TBC1D5: variants seen among roughly 807,000 people sequenced by gnomAD.
TBC1D5 encodes the protein TBC1 domain family, member 5.
Under a neutral mutation model 100.3 loss-of-function variants are expected in TBC1D5, and 75 were observed. The ratio of observed to expected loss-of-function variants is 0.75; its 90% CI spans 0.62 to 0.91. The LOEUF is 0.91. TBC1D5 is among the 40% of genes least tolerant of loss of function. The pLI is 0.00. For synonymous variants in TBC1D5, 323 were observed against 325.6 expected (o/e 0.99, Z 0.09); for missense variants, 910 against 942.4 (o/e 0.97, Z 0.45).
intron 14 of TBC1D5, among the ~76,000 whole-genome samples, chr3:17,292,219 G>C (rs1379457657): frequency 1.3e-5 from 2 of 152,268 alleles, no homozygotes; most frequent in East Asian, 3.9e-4. Flanking sequence ...CTTAACCTCA[G>C]GGGGTGCTGG....
chr3:17,714,894 T>C (rs1036303192), intron 1 of TBC1D5, among the ~76,000 whole-genome samples: 4 of 152,116 alleles, frequency 2.6e-5, no homozygotes, highest in Non-Finnish European at 5.9e-5. Context: ...CCCCATTACA[T>C]TACAGGATCC....
intron 2 of TBC1D5, among the ~76,000 whole-genome samples, chr3:17,566,179 A>C (rs2096592367): frequency 6.6e-6 from 1 of 152,044 alleles, no homozygotes; most frequent in Non-Finnish European, 1.5e-5. Flanking sequence ...TTATGTGAGC[A>C]TTTTGTACAC....
chr3:17,355,695 T>C (rs2091150668), intron 13 of TBC1D5, among the ~76,000 whole-genome samples: 1 of 152,072 alleles, frequency 6.6e-6, no homozygotes, highest in Non-Finnish European at 1.5e-5. Context: ...ATCATTCACA[T>C]CCCATGGTAG....
intron 2 of TBC1D5, among the ~76,000 whole-genome samples, chr3:17,581,270 A>G (rs925333102): frequency 1.3e-5 from 2 of 152,126 alleles, no homozygotes; most frequent in African/African-American, 2.4e-5. Context: ...TTTCTTTATA[A>G]ATTACCTAGT....
At chr3:17,389,500 C>T (rs542042656) in intron 8 of TBC1D5, among the ~76,000 whole-genome samples, 1 of 152,176 alleles carries the variant, frequency 6.6e-6, no homozygotes, top group East Asian at 1.9e-4. Flanking sequence ...AACCAGACCA[C>T]CATGCTGTAA....
intron 1 of TBC1D5, among the ~76,000 whole-genome samples, chr3:17,690,630 T>C (rs2071006592): frequency 6.6e-6 from 1 of 152,230 alleles, no homozygotes; most frequent in South Asian, 2.1e-4. Context: ...CCACCTGAGC[T>C]CTGCCTCCTG....
intron 2 of TBC1D5, among the ~76,000 whole-genome samples, chr3:17,532,878 C>G (rs952562218): frequency 1.3e-5 from 2 of 151,514 alleles, no homozygotes; most frequent in Admixed American, 1.3e-4. Context: ...GGAGATATAG[C>G]GAATACTAAA....
rs377395054 is a variant in TBC1D5, at chr3:17,191,887, G to A, written c.1753-6679C>T. Among the ~76,000 whole-genome samples the A allele has an allele frequency of 1.1e-3, 167 of 152,162 alleles. 4 individuals are homozygous for A. The South Asian group carries it at 0.032, about 30-fold the overall frequency. On this transcript the variant is annotated intron_variant, in intron 18 of 21. Coordinates refer to ENST00000253692, the Ensembl canonical transcript of TBC1D5. ...GATCCGCCTGCTTCAGCCTCTCAAA[G>A]TGCTGGGATTATAGGCATGAGTCAT...
intron 2 of TBC1D5, among the ~76,000 whole-genome samples, chr3:17,531,778 C>A (rs542115639): frequency 0.029 from 4,476 of 152,124 alleles, 206 homozygotes; most frequent in African/African-American, 0.1. Context: ...AACTGGCTAG[C>A]CGTATGTAGA....
intron 13 of TBC1D5, among the ~76,000 whole-genome samples, chr3:17,334,129 T>C (rs1220297418): frequency 6.6e-6 from 1 of 151,946 alleles, no homozygotes; most frequent in Non-Finnish European, 1.5e-5. Flanking sequence ...ATGCTTAAAA[T>C]GAAGGCTCTT....
chr3:17,673,209 G>C (rs911492192), intron 1 of TBC1D5, among the ~76,000 whole-genome samples: 9 of 152,090 alleles, frequency 5.9e-5, no homozygotes, highest in African/African-American at 2.2e-4. Context: ...AGTTATCTCT[G>C]GGAAGGGAAA....
At chr3:17,462,941 G>A (rs1174667193) in intron 3 of TBC1D5, among the ~76,000 whole-genome samples, 1 of 152,058 alleles carries the variant, frequency 6.6e-6, no homozygotes, top group African/African-American at 2.4e-5. Context: ...GTGAATAGTT[G>A]GGGTAAGGGG....
chr3:17,596,150 G>A (rs1014640977), intron 2 of TBC1D5, among the ~76,000 whole-genome samples: 36 of 152,110 alleles, frequency 2.4e-4, no homozygotes, highest in Admixed American at 7.2e-4. Context: ...AGAAAAGTCA[G>A]AGGCCAATAG....
At chr3:17,591,269 AAAAC>A (rs2096769819) in intron 2 of TBC1D5, among the ~76,000 whole-genome samples, 2 of 139,436 alleles carry the variant, frequency 1.4e-5, no homozygotes, top group Admixed American at 1.4e-4. Flanking sequence ...AAAAAAAACA[AAAAC>A]CCCAGAGAAT....
At chr3:17,736,441 T>C (rs1048565402) in intron 1 of TBC1D5, among the ~76,000 whole-genome samples, 2 of 152,138 alleles carry the variant, frequency 1.3e-5, no homozygotes, top group Admixed American at 6.6e-5. Flanking sequence ...TTTATAAAAA[T>C]GAGCACTCTT....
intron 8 of TBC1D5, among the ~76,000 whole-genome samples, chr3:17,402,666 T>C (rs17043562): frequency 0.022 from 3,409 of 152,242 alleles, 120 homozygotes; most frequent in African/African-American, 0.077. Flanking sequence ...ATCAAAGTTA[T>C]GGACATTATG....
At chr3:17,162,214 G>A (rs1021889634) in intron 21 of TBC1D5, among the ~76,000 whole-genome samples, 1 of 152,182 alleles carries the variant, frequency 6.6e-6, no homozygotes, top group Non-Finnish European at 1.5e-5. Flanking sequence ...AGCATGGGTG[G>A]AGTCTCGTGC....
At chr3:17,629,722 T>C (rs777764582) in intron 1 of TBC1D5, among the ~76,000 whole-genome samples, 8 of 152,024 alleles carry the variant, frequency 5.3e-5, no homozygotes, top group Non-Finnish European at 7.4e-5. Context: ...CAAAAGAAGC[T>C]AGGAACAGCC....
chr3:17,273,236 C>T (rs895347614), intron 15 of TBC1D5, among the ~76,000 whole-genome samples: 5 of 152,116 alleles, frequency 3.3e-5, no homozygotes, highest in African/African-American at 1.2e-4. Context: ...AGTTTTCCCA[C>T]ATTCTGAATC....
Sources: gnomAD v4.1 joint callset for allele counts (sites outside exome capture counted in the v4.1 genomes callset) on GRCh38, gnomAD v4.1.1 for gene constraint, MANE v1.5 for transcripts, NCBI Gene and HGNC (gene_info 2026-07-23, HGNC 2026-07-21) for gene names.